C1orf50: variants seen among roughly 807,000 people sequenced by gnomAD.
C1orf50 encodes the protein chromosome 1 open reading frame 50, also known as uncharacterized protein C1orf50.
In C1orf50, 22 loss-of-function variants were observed where a neutral mutation model predicts 23.3. The observed-to-expected ratio is 0.94, with a 90% CI of 0.67 to 1.35. The LOEUF is 1.35. Among genes scored for constraint, C1orf50 ranks in the 40% most tolerant of loss-of-function variants. C1orf50 has a pLI of 0.00. For synonymous variants in C1orf50, 96 were observed against 102.4 expected, an observed-to-expected ratio of 0.94 and a Z score of 0.38; for missense variants, 271 against 249.4, an observed-to-expected ratio of 1.09 and a Z score of -0.58.
chr1:42,771,180 A>G (rs560294294), intron 2 of C1orf50, among the ~76,000 whole-genome samples: 1 of 152,226 alleles, frequency 6.6e-6, no homozygotes, highest in Non-Finnish European at 1.5e-5. Context: ...CATTGTTATG[A>G]GTACATATAA....
chr1:42,772,363 A>G (rs1653241113), intron 2 of C1orf50, among the ~76,000 whole-genome samples: 1 of 152,192 alleles, frequency 6.6e-6, no homozygotes, highest in Admixed American at 6.5e-5. Flanking sequence ...ATTGTGTATA[A>G]TCAGCTTTTC....
At position 42,767,547 on chromosome 1, in the gene C1orf50, G is replaced by T; in HGVS notation, c.118G>T (p.Ala40Ser). The T allele has an allele frequency of 6.2e-7, 1 of 1,605,350 alleles. No homozygotes were observed. The highest frequency in any genetic ancestry group is 8.5e-7 in the Non-Finnish European group (1 of 1,176,824). Reference sequence around the variant, plus strand: ...GCTCACCCCGACCCCCGGCGGCCTGGCCCTGGTGAGCCCCTACCACACCCA... The same window carrying T: ...GCTCACCCCGACCCCCGGCGGCCTGTCCCTGGTGAGCCCCTACCACACCCA... ...VELTPTPGGL[A>S]LVSPYHTHRA... The change falls in exon 2 of 5, where the codon GCC (alanine) becomes TCC (serine). Residue 40 changes from alanine (A) to serine (S), a missense_variant. Coordinates refer to ENST00000372525, the MANE Select transcript of C1orf50 (RefSeq NM_024097.4).
chr1:42,770,311 A>T (rs1159947820), intron 2 of C1orf50, among the ~76,000 whole-genome samples: 1 of 151,934 alleles, frequency 6.6e-6, no homozygotes, highest in African/African-American at 2.4e-5. Flanking sequence ...TGTTTATGAG[A>T]TTTATTGCTA....
chr1:42,775,095 G>T, intron 4 of C1orf50, 114 bp from the exon 5 acceptor site: 1 of 1,061,746 alleles, frequency 9.4e-7, no homozygotes, highest in Non-Finnish European at 1.4e-6. Context: ...TCCAAAGGTT[G>T]TTCTGACTAG....
intron 2 of C1orf50, among the ~76,000 whole-genome samples, chr1:42,769,503 A>G (rs139660270): frequency 0.013 from 1,947 of 149,988 alleles, 30 homozygotes; most frequent in African/African-American, 0.046. Context: ...CTGAGATCAC[A>G]CCACTGCACT....
At chr1:42,771,679 G>A (rs1653224138) in intron 2 of C1orf50, among the ~76,000 whole-genome samples, 1 of 152,130 alleles carries the variant, frequency 6.6e-6, no homozygotes, top group African/African-American at 2.4e-5. Context: ...GATATATTAG[G>A]TTAAGTAAAA....
chr1:42,767,852 C>A (rs1327805351), intron 2 of C1orf50, among the ~76,000 whole-genome samples: 1 of 152,182 alleles, frequency 6.6e-6, no homozygotes, highest in Non-Finnish European at 1.5e-5. Flanking sequence ...AATCTTCCTT[C>A]GTGGGAAGGT....
At position 42,778,249 on chromosome 1, in the gene C1orf50, T is replaced by A. The variant is rs558576695; in HGVS notation, c.*2855T>A. ...GTGCCTTCTAGGTTCCAGGTTCTGGTGAATAATGGAGCTGAATAAGAAATC... is the reference window on the plus strand; with the variant it reads ...GTGCCTTCTAGGTTCCAGGTTCTGGAGAATAATGGAGCTGAATAAGAAATC... On this transcript the variant is annotated 3_prime_UTR_variant, in exon 5 of 5. Coordinates refer to ENST00000372525, the MANE Select transcript of C1orf50 (RefSeq NM_024097.4). 1 of 152,202 alleles carries A rather than the reference T, an allele frequency of 6.6e-6. No homozygotes were observed. The highest frequency in any genetic ancestry group is 1.5e-5 in the Non-Finnish European group (1 of 68,020). The allele number at this position is 152,202 out of a possible 1,614,324, so 9.4% of individuals were successfully genotyped here. A position where few individuals can be genotyped will look rare whatever the true frequency, so the allele number is the denominator to read the frequency against.
chr1:42,774,912 G>T, intron 4 of C1orf50, 44 bp downstream of exon 4: 1 of 1,581,116 alleles, frequency 6.3e-7, no homozygotes. Flanking sequence ...TCCAGCCTCT[G>T]AGAAATTCTT....
At chr1:42,772,687 T>C (rs1653248082) in intron 2 of C1orf50, among the ~76,000 whole-genome samples, 1 of 152,068 alleles carries the variant, frequency 6.6e-6, no homozygotes, top group African/African-American at 2.4e-5. Flanking sequence ...AGGCTGACAT[T>C]AGAGAATTAC....
At chr1:42,772,095 C>T (rs1425440635) in intron 2 of C1orf50, among the ~76,000 whole-genome samples, 1 of 152,084 alleles carries the variant, frequency 6.6e-6, no homozygotes, top group Non-Finnish European at 1.5e-5. Flanking sequence ...ACTTGACTTG[C>T]GATCTTGACA....
chr1:42,772,132 G>C (rs530407259), intron 2 of C1orf50, among the ~76,000 whole-genome samples: 1 of 152,196 alleles, frequency 6.6e-6, no homozygotes, highest in South Asian at 2.1e-4. Flanking sequence ...TTTCCTGTTT[G>C]CCAGTACACC....
chr1:42,768,571 TA>T (rs760129726), intron 2 of C1orf50, among the ~76,000 whole-genome samples: 32 of 148,118 alleles, frequency 2.2e-4, no homozygotes, highest in Admixed American at 8.8e-4. Flanking sequence ...CTTTTTTTTT[TA>T]AAATTAAGAA....
Position 42,775,435 on chromosome 1 carries a change from C to T in C1orf50, c.*41C>T, listed in dbSNP as rs1653317115. On this transcript the variant is annotated 3_prime_UTR_variant, in exon 5 of 5. Coordinates refer to ENST00000372525, the MANE Select transcript of C1orf50 (RefSeq NM_024097.4). ...AACAGCTCTCACAGGACCTGGCTGT[C>T]AACCTCCTTGTTGCCCCCACTGTTG... 6.6e-7 allele frequency: 1 copy of T among 1,519,004 alleles called. No individual in the cohort carries two copies. Among genetic ancestry groups the T allele is most frequent in the African/African-American group, 1.4e-5 (1 of 73,708 alleles). The allele number at this position is 1,519,004 out of a possible 1,614,324, so 94.1% of individuals were successfully genotyped here. A position where few individuals can be genotyped will look rare whatever the true frequency, so the allele number is the denominator to read the frequency against.
chr1:42,768,689 AG>A (rs1388531498), intron 2 of C1orf50, among the ~76,000 whole-genome samples: 1 of 152,196 alleles, frequency 6.6e-6, no homozygotes, highest in Non-Finnish European at 1.5e-5. Context: ...ATATGCATCT[AG>A]TTAATCAGAT....
At position 42,779,379 on chromosome 1, in the gene C1orf50, A is replaced by G. The variant is rs1653405615; in HGVS notation, c.*3985A>G. On this transcript the variant is annotated 3_prime_UTR_variant, in exon 5 of 5. Coordinates refer to ENST00000372525, the MANE Select transcript of C1orf50 (RefSeq NM_024097.4). ...GCAACAGAGCAAGACTCCATCTCAAAAAAAAAAAAAAAAGAATCATAACAT... is the reference window on the plus strand; with the variant it reads ...GCAACAGAGCAAGACTCCATCTCAAGAAAAAAAAAAAAAGAATCATAACAT... 1 of 146,230 alleles carries G rather than the reference A, an allele frequency of 6.8e-6. No homozygotes were observed. The highest frequency in any genetic ancestry group is 1.5e-5 in the Non-Finnish European group (1 of 66,440). The allele number at this position is 146,230 out of a possible 1,614,324, so 9.1% of individuals were successfully genotyped here.
chr1:42,767,751 G>GGCTTT, intron 2 of C1orf50, 127 bp downstream of exon 2: 1 of 816,510 alleles, frequency 1.2e-6, no homozygotes, highest in Non-Finnish European at 1.9e-6. Context: ...TTTTACAGAC[G>GGCTTT]AGTAAAGCCG....
At chr1:42,773,408 G>A (rs1570494423) in intron 2 of C1orf50, 155 bp from the exon 3 acceptor site, 1 of 526,780 alleles carries the variant, frequency 1.9e-6, no homozygotes, top group Non-Finnish European at 3.5e-6. Flanking sequence ...TCTGAGTGGG[G>A]CCTCGGATGA....
At chr1:42,773,357 G>T in intron 2 of C1orf50, 1 of 448,918 alleles carries the variant, frequency 2.2e-6, no homozygotes, top group Non-Finnish European at 4.1e-6. Flanking sequence ...TAACTCTGTG[G>T]CGTGGAGTCA....
Sources: allele counts gnomAD v4.1 joint callset (sites outside exome capture counted in the v4.1 genomes callset), GRCh38; gene constraint gnomAD v4.1.1; transcripts MANE v1.5; gene names NCBI Gene and HGNC (gene_info 2026-07-23, HGNC 2026-07-21).